FRAS1: variants seen among roughly 807,000 people sequenced by gnomAD.
FRAS1 encodes the protein Fraser extracellular matrix complex subunit 1.
A neutral mutation model predicts 435.2 loss-of-function variants in FRAS1; 290 were observed. That is an observed-to-expected ratio of 0.67 (90% CI 0.61 to 0.73). FRAS1 has a LOEUF of 0.73. Among genes scored for constraint, FRAS1 ranks in the 30% least tolerant of loss-of-function variants. The probability of loss-of-function intolerance (pLI) is 0.00; values close to 1 mark genes in which losing one functional copy is unlikely to be tolerated. For missense variants in FRAS1, 4,860 were observed against 5,001.5 expected (o/e 0.97, Z 0.85); for synonymous variants, 1,800 against 1,851.0 (o/e 0.97, Z 0.71).
intron 31 of FRAS1, among the ~76,000 whole-genome samples, chr4:78,409,396 T>C (rs1047047759): frequency 1.1e-4 from 16 of 152,114 alleles, no homozygotes; most frequent in African/African-American, 3.9e-4. Flanking sequence ...AGAAAATTGA[T>C]GGCCTTAAGC....
rs564311493 is a variant in FRAS1 at position 78,189,188 on chromosome 4, T to A, written c.109-48322T>A. ...ACTTATCTGACCACATGTATGATTA[T>A]ATCATGTCTCATTTAAATGCACAAT... On this transcript the variant is annotated intron_variant, in intron 2 of 73. Transcript: ENST00000512123. 4.6e-4 allele frequency among the ~76,000 whole-genome samples: 70 copies of A among 152,350 alleles called. 1 individual carries two copies. The highest frequency in any genetic ancestry group is 6.8e-3 in the Middle Eastern group (2 of 294).
chr4:78,508,351 T>C (rs552556169), intron 62 of FRAS1, among the ~76,000 whole-genome samples: 1 of 152,242 alleles, frequency 6.6e-6, no homozygotes, highest in Non-Finnish European at 1.5e-5. Context: ...TTTACTCTTA[T>C]TTTGCCAAAT....
intron 51 of FRAS1, among the ~76,000 whole-genome samples, chr4:78,471,937 CAT>C (rs1268723461): frequency 1.3e-5 from 2 of 152,132 alleles, no homozygotes; most frequent in Admixed American, 1.3e-4. Context: ...TTATGTCTTC[CAT>C]TACAGCTCTT....
chr4:78,276,172 A>G (rs940640808), intron 9 of FRAS1, among the ~76,000 whole-genome samples: 1 of 152,180 alleles, frequency 6.6e-6, no homozygotes, highest in Non-Finnish European at 1.5e-5. Flanking sequence ...CCATCAGGTC[A>G]TTTAAGGACT....
rs753924805 is a variant in FRAS1 at position 78,162,348 on chromosome 4, G to C, written c.109-75162G>C. 3.3e-5 allele frequency among the ~76,000 whole-genome samples: 5 copies of C among 152,178 alleles called. No homozygotes were observed. The East Asian group carries it at 9.7e-4, about 29-fold the overall frequency. On this transcript the variant is annotated intron_variant, in intron 2 of 73. Transcript: ENST00000512123. ...ATTATGTGTTTCCATCTTGTTGTTC[G>C]GTCTCCCAAAAAAATTTGGTTTTAA...
At chr4:78,453,788 C>G (rs1256403081) in intron 47 of FRAS1, among the ~76,000 whole-genome samples, 3 of 79,018 alleles carry the variant, frequency 3.8e-5, no homozygotes. Context: ...CAGAGCAAGA[C>G]CCTATCTCAA....
At chr4:78,426,300 G>A (rs148610136) in intron 35 of FRAS1, among the ~76,000 whole-genome samples, 6 of 152,194 alleles carry the variant, frequency 3.9e-5, no homozygotes, top group African/African-American at 1.4e-4. Flanking sequence ...GTAGGTGAAG[G>A]GTTAACAATT....
In FRAS1 at chr4:78,363,540, C is replaced by T. The variant is rs6835769; in HGVS notation, c.2450C>T (p.Ala817Val). Residue 817 changes from alanine to valine, a missense_variant, in exon 21 of 74, where the codon GCA becomes GTA. Physicochemically the swap from Ala to Val is moderately conservative, Grantham distance 64. Coordinates refer to ENST00000512123, the MANE Select transcript of FRAS1 (RefSeq NM_025074.7). ...TGCCATCACCTGTGCCAGCACTGTG[C>T]AGCTGATCTCCACAACACTGGGAGC... ...ADCHHLCQHC[A>V]ADLHNTGSIC... 834,791 of 1,612,438 alleles carry T rather than the reference C, an allele frequency of 0.52. 225,496 individuals are homozygous for T. Among genetic ancestry groups the T allele is most frequent in the Non-Finnish European group, 0.56 (660,401 of 1,179,154 alleles).
chr4:78,149,484 T>C (rs1223453960), intron 2 of FRAS1, among the ~76,000 whole-genome samples: 1 of 152,196 alleles, frequency 6.6e-6, no homozygotes, highest in African/African-American at 2.4e-5. Context: ...ACACCACCTA[T>C]TGATTCTTGA....
chr4:78,313,999 GA>G (rs2110229825), intron 15 of FRAS1, among the ~76,000 whole-genome samples: 1 of 152,136 alleles, frequency 6.6e-6, no homozygotes, highest in Non-Finnish European at 1.5e-5. Context: ...CTTTCTTTTG[GA>G]AACCTTTTTC....
intron 72 of FRAS1, among the ~76,000 whole-genome samples, chr4:78,537,703 G>A (rs1721926790): frequency 6.6e-6 from 1 of 152,178 alleles, no homozygotes; most frequent in Non-Finnish European, 1.5e-5. Context: ...AACATTTTGG[G>A]ACACTGAGGT....
At chr4:78,371,533 A>ACATTTTATTCTTCT (rs1731508460) in intron 23 of FRAS1, among the ~76,000 whole-genome samples, 1 of 152,296 alleles carries the variant, frequency 6.6e-6, no homozygotes, top group Admixed American at 6.5e-5. Flanking sequence ...TTTATTCTTC[A>ACATTTTATTCTTCT]CATTTTATTC....
chr4:78,432,252 T>C, intron 37 of FRAS1, 105 bp from the exon 38 acceptor site: 1 of 1,162,918 alleles, frequency 8.6e-7, no homozygotes, highest in African/African-American at 1.5e-5. Flanking sequence ...ACTCCCTGAG[T>C]TATGATCCTA....
intron 2 of FRAS1, among the ~76,000 whole-genome samples, chr4:78,180,359 T>G (rs1721945803): frequency 6.6e-6 from 1 of 152,224 alleles, no homozygotes; most frequent in South Asian, 2.1e-4. Flanking sequence ...TAGTTAGTAT[T>G]CCACACAGAA....
At chr4:78,167,836 T>C (rs1356241050) in intron 2 of FRAS1, among the ~76,000 whole-genome samples, 1 of 152,044 alleles carries the variant, frequency 6.6e-6, no homozygotes, top group Non-Finnish European at 1.5e-5. Flanking sequence ...TATAGGAATA[T>C]CACTGATTTG....
chr4:78,485,685 C>G (rs1336553513), intron 58 of FRAS1, among the ~76,000 whole-genome samples: 1 of 152,124 alleles, frequency 6.6e-6, no homozygotes, highest in Non-Finnish European at 1.5e-5. Context: ...TGCAACAGAC[C>G]TTTAACTTGT....
chr4:78,368,254 A>C (rs1429456540), intron 22 of FRAS1, among the ~76,000 whole-genome samples: 1 of 126,728 alleles, frequency 7.9e-6, no homozygotes, highest in Non-Finnish European at 1.6e-5. Flanking sequence ...GAATTTTCCC[A>C]GGACCTTAAA....
At chr4:78,151,231 C>G (rs148826893) in intron 2 of FRAS1, among the ~76,000 whole-genome samples, 1 of 152,270 alleles carries the variant, frequency 6.6e-6, no homozygotes, top group African/African-American at 2.4e-5. Flanking sequence ...AGCCAACTTT[C>G]ATGGAGCTTT....
chr4:78,314,969 G>A (rs1192966349), intron 15 of FRAS1, among the ~76,000 whole-genome samples: 1 of 151,974 alleles, frequency 6.6e-6, no homozygotes, highest in Non-Finnish European at 1.5e-5. Flanking sequence ...AGACTACTAA[G>A]CTACTTAAAG....
Sources: gnomAD v4.1 joint callset for allele counts (sites outside exome capture counted in the v4.1 genomes callset) on GRCh38, gnomAD v4.1.1 for gene constraint, MANE v1.5 for transcripts, NCBI Gene and HGNC (gene_info 2026-07-23, HGNC 2026-07-21) for gene names.